The following PICALM variants were observed in gnomAD, a reference collection of about 807,000 sequenced individuals.
PICALM encodes the protein phosphatidylinositol-binding clathrin assembly protein.
A neutral mutation model predicts 80.5 loss-of-function variants in PICALM; 40 were observed. That is an observed-to-expected ratio of 0.50 (90% CI 0.39 to 0.65). The LOEUF (loss-of-function observed/expected upper bound fraction) is 0.65. Ranked by LOEUF, PICALM falls within the 30% of genes least tolerant of loss-of-function variation. The pLI is 0.00. For missense variants in PICALM, 676 were observed against 778.9 expected, an observed-to-expected ratio of 0.87 and a Z score of 1.57; for synonymous variants, 288 against 260.3, an observed-to-expected ratio of 1.11 and a Z score of -1.02.
intron 1 of PICALM, among the ~76,000 whole-genome samples, chr11:86,065,863 A>G (rs77716329): frequency 1.3e-3 from 204 of 152,290 alleles, no homozygotes; most frequent in African/African-American, 4.8e-3. Context: ...ATCACTTCCT[A>G]ATGTGGAAAG....
rs530349589 is a variant in PICALM at position 85,993,815 on chromosome 11, C to T, written c.1258+3011G>A. On this transcript the variant is annotated intron_variant, in intron 12 of 19. Coordinates refer to ENST00000393346, the MANE Select transcript of PICALM (RefSeq NM_007166.4). Reference sequence around the variant, plus strand: ...AAAGTTAAAACAAGGATTAAAATGGCACCACAGTCATATTATCGCCTTTAA... The same window carrying T: ...AAAGTTAAAACAAGGATTAAAATGGTACCACAGTCATATTATCGCCTTTAA... Among the ~76,000 whole-genome samples, 4 of 152,200 alleles carry T rather than the reference C, an allele frequency of 2.6e-5. No individual in the cohort carries two copies. The East Asian group carries it at 7.7e-4, about 29-fold the overall frequency.
chr11:85,982,147 GA>G, intron 14 of PICALM, 144 bp from the exon 15 acceptor site: 1 of 660,192 alleles, frequency 1.5e-6, no homozygotes, highest in Non-Finnish European at 2.6e-6. Context: ...TCTTTAAATG[GA>G]AAATGAAGAA....
intron 2 of PICALM, 83 bp from the exon 3 acceptor site, chr11:86,026,450 A>G (rs2095650773): frequency 1.3e-6 from 1 of 769,436 alleles, no homozygotes; most frequent in Non-Finnish European, 2.2e-6. Context: ...AGTTATGGTT[A>G]ACACATTCTA....
At chr11:86,027,644 G>A (rs909356580) in intron 2 of PICALM, among the ~76,000 whole-genome samples, 7 of 150,418 alleles carry the variant, frequency 4.7e-5, no homozygotes, top group Non-Finnish European at 8.9e-5. Flanking sequence ...CCTCACCCTC[G>A]CCCCCAAGTA....
At chr11:86,046,436 T>C (rs572223736) in intron 1 of PICALM, among the ~76,000 whole-genome samples, 1 of 152,352 alleles carries the variant, frequency 6.6e-6, no homozygotes, top group South Asian at 2.1e-4. Flanking sequence ...TAAGGTGATA[T>C]ATTTAGGGTA....
At chr11:86,069,372 G>T (rs2096488390), upstream of PICALM, 1 of 155,550 alleles carries the variant, frequency 6.4e-6, no homozygotes, top group Non-Finnish European at 1.4e-5. Flanking sequence ...CAGACGCCGG[G>T]CGGGGCGGGG....
At chr11:85,965,843 CAG>C (rs2093875130) in intron 19 of PICALM, among the ~76,000 whole-genome samples, 1 of 108,424 alleles carries the variant, frequency 9.2e-6, no homozygotes, top group Admixed American at 1.3e-4. Context: ...TTTTTTGAGA[CAG>C]ACTCTCTGTC....
intron 16 of PICALM, 136 bp downstream of exon 16, chr11:85,981,606 CAAA>C (rs1178283265): frequency 6.2e-3 from 3,286 of 531,102 alleles, no homozygotes; most frequent in Middle Eastern, 9.4e-3. Flanking sequence ...GACTCCGTGT[CAAA>C]AAAAAAAAAA....
chr11:85,991,423 A>G (rs1301953682), intron 12 of PICALM, among the ~76,000 whole-genome samples: 1 of 152,180 alleles, frequency 6.6e-6, no homozygotes, highest in East Asian at 1.9e-4. Context: ...ATGATTGAAC[A>G]TTAAGAAGGC....
intron 14 of PICALM, among the ~76,000 whole-genome samples, chr11:85,983,226 C>T (rs1041979733): frequency 1.3e-5 from 2 of 152,130 alleles, no homozygotes; most frequent in African/African-American, 2.4e-5. Context: ...CAAAGGCCAT[C>T]CGATGGTAAG....
chr11:86,044,576 T>G (rs986234399), intron 1 of PICALM, among the ~76,000 whole-genome samples: 2 of 48,886 alleles, frequency 4.1e-5, no homozygotes, highest in African/African-American at 2.4e-4. Flanking sequence ...ACGAGCCATT[T>G]ATTACACGAT....
intron 4 of PICALM, among the ~76,000 whole-genome samples, chr11:86,017,069 A>G (rs1354398231): frequency 6.6e-6 from 1 of 152,142 alleles, no homozygotes; most frequent in African/African-American, 2.4e-5. Flanking sequence ...TAAAAAATAC[A>G]AAAAGTAGCC....
At chr11:86,049,972 G>A (rs2096152045) in intron 1 of PICALM, among the ~76,000 whole-genome samples, 1 of 151,894 alleles carries the variant, frequency 6.6e-6, no homozygotes, top group South Asian at 2.1e-4. Flanking sequence ...GGTCAACGTG[G>A]GTGGATCACC....
chr11:86,062,490 C>G (rs375193699), intron 1 of PICALM, among the ~76,000 whole-genome samples: 1 of 151,786 alleles, frequency 6.6e-6, no homozygotes, highest in Non-Finnish European at 1.5e-5. Flanking sequence ...TGCACTCCAG[C>G]CTGGGCAACA....
At chr11:86,000,388 T>C (rs1320705068) in intron 11 of PICALM, among the ~76,000 whole-genome samples, 2 of 152,202 alleles carry the variant, frequency 1.3e-5, no homozygotes, top group East Asian at 1.9e-4. Context: ...CAATGAAAAG[T>C]TGGCCCAGAG....
intron 19 of PICALM, chr11:85,969,755 G>A (rs528348932): frequency 1.7e-5 from 5 of 290,498 alleles, no homozygotes; most frequent in Admixed American, 1.6e-4. Flanking sequence ...CTGCACTTAA[G>A]TGATCCTCCT....
At chr11:86,008,476 C>T (rs1364826533) in intron 7 of PICALM, among the ~76,000 whole-genome samples, 1 of 151,916 alleles carries the variant, frequency 6.6e-6, no homozygotes, top group African/African-American at 2.4e-5. Context: ...AAAAATTAGC[C>T]GGGCATGGTG....
chr11:86,036,649 A>G (rs2095846939), intron 1 of PICALM, among the ~76,000 whole-genome samples: 1 of 152,242 alleles, frequency 6.6e-6, no homozygotes, highest in South Asian at 2.1e-4. Flanking sequence ...CCAAGAGTGA[A>G]GAGTTAATCA....
chr11:86,045,819 T>A (rs868131471), intron 1 of PICALM, among the ~76,000 whole-genome samples: 5 of 152,230 alleles, frequency 3.3e-5, no homozygotes, highest in Non-Finnish European at 5.9e-5. Context: ...GGAAGGGAAA[T>A]TTAATCATCT....
Sources: allele counts gnomAD v4.1 joint callset (sites outside exome capture counted in the v4.1 genomes callset), GRCh38; gene constraint gnomAD v4.1.1; transcripts MANE v1.5; gene names NCBI Gene and HGNC (gene_info 2026-07-23, HGNC 2026-07-21).